The following RBFOX1 variants were observed in gnomAD, a reference collection of about 807,000 sequenced individuals.
The protein encoded by RBFOX1 is RNA binding fox-1 homolog 1.
In RBFOX1, 8 loss-of-function variants were observed where a neutral mutation model predicts 57.7. The observed-to-expected ratio is 0.14, with a 90% CI of 0.08 to 0.25. The LOEUF is 0.25. Among genes scored for constraint, RBFOX1 ranks in the 10% least tolerant of loss-of-function variants. The probability of loss-of-function intolerance (pLI) is 1.00; values close to 1 mark genes in which losing one functional copy is unlikely to be tolerated. For missense variants in RBFOX1, 611 were observed against 548.5 expected (o/e 1.11, Z -1.14); for synonymous variants, 326 against 222.4 (o/e 1.47, Z -4.15).
At chr16:6,462,949 C>T (rs1332439963) in intron 2 of RBFOX1, among the ~76,000 whole-genome samples, 2 of 152,210 alleles carry the variant, frequency 1.3e-5, no homozygotes, top group East Asian at 1.9e-4. Flanking sequence ...ATTAATTCTT[C>T]GTATCTTAAA....
At chr16:5,926,752 G>C (rs1483615666) in intron 4 of RBFOX1, among the ~76,000 whole-genome samples, 1 of 152,152 alleles carries the variant, frequency 6.6e-6, no homozygotes, top group Non-Finnish European at 1.5e-5. Flanking sequence ...TCTGAAGGGG[G>C]TCCCTACATT....
At chr16:6,887,966 C>T (rs992012956) in intron 3 of RBFOX1, among the ~76,000 whole-genome samples, 2 of 151,964 alleles carry the variant, frequency 1.3e-5, no homozygotes, top group Non-Finnish European at 2.9e-5. Flanking sequence ...CTGTCCCATC[C>T]TCATCATTTT....
intron 3 of RBFOX1, among the ~76,000 whole-genome samples, chr16:6,987,533 A>G (rs1407269566): frequency 6.6e-6 from 1 of 151,962 alleles, no homozygotes; most frequent in African/African-American, 2.4e-5. Context: ...TTGCAAACAT[A>G]ATCATATACA....
chr16:6,230,920 T>C (rs759428011), intron 1 of RBFOX1, among the ~76,000 whole-genome samples: 8 of 152,094 alleles, frequency 5.3e-5, no homozygotes, highest in African/African-American at 1.4e-4. Context: ...GTGTCAAATG[T>C]TGGTAGAAAA....
chr16:5,859,694 T>G (rs1200724521), intron 3 of RBFOX1, among the ~76,000 whole-genome samples: 2 of 152,162 alleles, frequency 1.3e-5, no homozygotes, highest in East Asian at 3.9e-4. Context: ...TTGAACATAT[T>G]GTTTTGCTTC....
chr16:5,788,644 A>T (rs1054626868), intron 3 of RBFOX1, among the ~76,000 whole-genome samples: 1 of 152,090 alleles, frequency 6.6e-6, no homozygotes, highest in Non-Finnish European at 1.5e-5. Flanking sequence ...ATAAATGATA[A>T]ATAAACAAAC....
chr16:5,436,799 T>C (rs182400752), intron 1 of RBFOX1, among the ~76,000 whole-genome samples: 5 of 152,114 alleles, frequency 3.3e-5, no homozygotes, highest in East Asian at 3.9e-4. Context: ...GATTGTGCCA[T>C]TGCACTCCAG....
At chr16:6,898,263 G>A (rs2067464620) in intron 3 of RBFOX1, among the ~76,000 whole-genome samples, 1 of 152,122 alleles carries the variant, frequency 6.6e-6, no homozygotes, top group African/African-American at 2.4e-5. Context: ...GTGATCACCT[G>A]CCATCCTCAA....
intron 14 of RBFOX1, among the ~76,000 whole-genome samples, chr16:7,695,826 G>GA (rs370589359): frequency 1.1e-4 from 17 of 151,326 alleles, no homozygotes; most frequent in Non-Finnish European, 2.2e-4. Context: ...TTTAAATGGA[G>GA]AAAAAAAAAT....
intron 2 of RBFOX1, among the ~76,000 whole-genome samples, chr16:5,518,172 C>G (rs72761063): frequency 0.025 from 3,784 of 152,098 alleles, 65 homozygotes; most frequent in South Asian, 0.056. Context: ...CAATAAAATC[C>G]AAATTAGAAA....
At chr16:6,757,323 A>G (rs767736365) in intron 3 of RBFOX1, among the ~76,000 whole-genome samples, 6 of 152,190 alleles carry the variant, frequency 3.9e-5, no homozygotes, top group African/African-American at 7.2e-5. Context: ...AAGAAAATCA[A>G]TATCTGAAAG....
At chr16:5,796,596 G>A (rs1335016712) in intron 3 of RBFOX1, among the ~76,000 whole-genome samples, 1 of 152,326 alleles carries the variant, frequency 6.6e-6, no homozygotes, top group East Asian at 1.9e-4. Flanking sequence ...GACAGCAATA[G>A]CAGCAGACCT....
At chr16:6,584,837 G>A (rs1390644909) in intron 2 of RBFOX1, among the ~76,000 whole-genome samples, 2 of 152,176 alleles carry the variant, frequency 1.3e-5, no homozygotes, top group African/African-American at 2.4e-5. Context: ...GCCTCCAGCC[G>A]ATGTCTCATG....
chr16:5,364,386 A>T (rs1195310497), intron 1 of RBFOX1, among the ~76,000 whole-genome samples: 1 of 152,194 alleles, frequency 6.6e-6, no homozygotes, highest in African/African-American at 2.4e-5. Context: ...TTTCTAGGAA[A>T]ACAAGCCAGT....
At chr16:6,535,796 C>T (rs148720145) in intron 2 of RBFOX1, among the ~76,000 whole-genome samples, 4,058 of 152,212 alleles carry the variant, frequency 0.027, 82 homozygotes, top group South Asian at 0.061. Flanking sequence ...TTAGTCACTG[C>T]CTATTTTTAT....
At chr16:7,372,207 G>C (rs968452487) in intron 4 of RBFOX1, among the ~76,000 whole-genome samples, 1 of 152,048 alleles carries the variant, frequency 6.6e-6, no homozygotes, top group Non-Finnish European at 1.5e-5. Context: ...CTCACCATCA[G>C]TGCAGACATC....
At chr16:7,140,226 T>G (rs77636944) in intron 4 of RBFOX1, among the ~76,000 whole-genome samples, 211 of 144,298 alleles carry the variant, frequency 1.5e-3, no homozygotes, top group African/African-American at 5.2e-3. Context: ...GTCCATTTTC[T>G]GAATGGACAA....
At chr16:7,102,836 C>A (rs554210203) in intron 4 of RBFOX1, among the ~76,000 whole-genome samples, 2 of 152,074 alleles carry the variant, frequency 1.3e-5, no homozygotes, top group African/African-American at 2.4e-5. Context: ...TTAGAAAACA[C>A]AGCCTAATTT....
At chr16:6,616,579 G>C (rs940751993) in intron 2 of RBFOX1, among the ~76,000 whole-genome samples, 2 of 152,198 alleles carry the variant, frequency 1.3e-5, no homozygotes, top group African/African-American at 4.8e-5. Flanking sequence ...AGGAGGCTGA[G>C]GCAGGAGAAT....
Sources: allele counts gnomAD v4.1 joint callset (sites outside exome capture counted in the v4.1 genomes callset), GRCh38; gene constraint gnomAD v4.1.1; transcripts MANE v1.5; gene names NCBI Gene and HGNC (gene_info 2026-07-23, HGNC 2026-07-21).